Variants in LIMK2 observed in about 807,000 individuals in gnomAD.
LIMK2 encodes the protein LIM domain kinase 2.
A neutral mutation model predicts 75.7 loss-of-function variants in LIMK2; 35 were observed. That is an observed-to-expected ratio of 0.46 (90% CI 0.35 to 0.61). The LOEUF (loss-of-function observed/expected upper bound fraction) is 0.61, where lower values mean the gene tolerates loss of function less well. LIMK2 is among the 20% of genes least tolerant of loss of function. The probability of loss-of-function intolerance (pLI) is 0.00; values close to 1 mark genes in which losing one functional copy is unlikely to be tolerated. For missense variants in LIMK2, 623 were observed against 831.0 expected (o/e 0.75, Z 3.08); for synonymous variants, 301 against 319.2 (o/e 0.94, Z 0.61).
rs115564951 is a variant in LIMK2 at position 31,227,236 on chromosome 22, A to G, written c.116+1417A>G. On this transcript the variant is annotated intron_variant, in intron 2 of 15. Coordinates refer to ENST00000331728, the MANE Select transcript of LIMK2 (RefSeq NM_005569.4). ...GCTGGATGGGCATGCCTGGCCCCCA[A>G]GGTCTGAAGTGGTAGGGCTGTGCCT... is the stretch of plus-strand genomic sequence containing the variant. Among the ~76,000 whole-genome samples the G allele has an allele frequency of 7.6e-3, 1,162 of 152,340 alleles. 16 individuals are homozygous for G. Among genetic ancestry groups the G allele is most frequent in the African/African-American group, 0.027 (1,108 of 41,570 alleles).
chr22:31,270,011 A>G (rs2123858275), intron 11 of LIMK2, among the ~76,000 whole-genome samples: 1 of 151,626 alleles, frequency 6.6e-6, no homozygotes, highest in Non-Finnish European at 1.5e-5. Context: ...GGTGTCACTT[A>G]CCAGACATTT....
At chr22:31,214,064 G>A (rs892442398) in intron 1 of LIMK2, among the ~76,000 whole-genome samples, 11 of 151,990 alleles carry the variant, frequency 7.2e-5, no homozygotes, top group Admixed American at 2.6e-4. Flanking sequence ...TGATCCGCCC[G>A]CTTCGGCCTC....
intron 11 of LIMK2, among the ~76,000 whole-genome samples, chr22:31,270,137 C>T (rs1328724456): frequency 6.6e-6 from 1 of 152,140 alleles, no homozygotes; most frequent in East Asian, 1.9e-4. Context: ...GAAACTGGCT[C>T]CATGAGACTG....
chr22:31,270,495 T>TGG (rs993422379), intron 11 of LIMK2, among the ~76,000 whole-genome samples: 6 of 151,834 alleles, frequency 4.0e-5, no homozygotes, highest in Admixed American at 2.6e-4. Flanking sequence ...GAGCAAGGAG[T>TGG]GGCTCCTTCT....
chr22:31,279,746 G>GCAA lies in LIMK2; in HGVS notation c.*1305_*1306insCAA, dbSNP rs2049067730. On this transcript the variant is annotated 3_prime_UTR_variant, in exon 16 of 16. Coordinates refer to ENST00000331728, the MANE Select transcript of LIMK2 (RefSeq NM_005569.4). ...GTTTGGGGTATTAATGCAATGTGTG[G>GCAA]TGGTTGTATTGGAGCAGGGGGAATT... 2.0e-5 allele frequency: 3 copies of GCAA among 152,258 alleles called. No individual in the cohort carries two copies. Among genetic ancestry groups the GCAA allele is most frequent in the Non-Finnish European group, 4.4e-5 (3 of 68,062 alleles). The allele number at this position is 152,258 out of a possible 1,614,324, so 9.4% of individuals were successfully genotyped here.
At chr22:31,226,644 C>G (rs1450706989) in intron 2 of LIMK2, among the ~76,000 whole-genome samples, 1 of 142,538 alleles carries the variant, frequency 7.0e-6, no homozygotes, top group African/African-American at 2.5e-5. Context: ...GAGTCTCGCT[C>G]TGTCGCCCAG....
chr22:31,217,965 G>A (rs975778194), intron 1 of LIMK2, among the ~76,000 whole-genome samples: 4 of 152,116 alleles, frequency 2.6e-5, no homozygotes, highest in African/African-American at 9.7e-5. Context: ...CCTTGTACAT[G>A]GGCACATAGA....
At chr22:31,259,089 C>A in intron 3 of LIMK2, 32 bp from the exon 4 acceptor site, 2 of 1,326,644 alleles carry the variant, frequency 1.5e-6, no homozygotes, top group Non-Finnish European at 2.2e-6. Context: ...TCCTTCCTCC[C>A]TTTGTACACC....
chr22:31,264,150 T>C (rs2048868320), intron 7 of LIMK2, among the ~76,000 whole-genome samples: 1 of 151,884 alleles, frequency 6.6e-6, no homozygotes, highest in South Asian at 2.1e-4. Context: ...ATGAAATTAG[T>C]GGGAGGCAGG....
intron 1 of LIMK2, 52 bp downstream of exon 1, chr22:31,212,476 C>T: frequency 7.6e-7 from 1 of 1,313,438 alleles, no homozygotes. Context: ...AAGTCCGGTT[C>T]CATGGCGCCT....
chr22:31,232,116 G>T (rs568899592), intron 2 of LIMK2, among the ~76,000 whole-genome samples: 2 of 151,884 alleles, frequency 1.3e-5, no homozygotes, highest in African/African-American at 4.8e-5. Flanking sequence ...TGCCTGGCCA[G>T]TGCAACCCCC....
intron 1 of LIMK2, among the ~76,000 whole-genome samples, chr22:31,222,166 G>A (rs1333532254): frequency 6.6e-6 from 1 of 151,850 alleles, no homozygotes; most frequent in East Asian, 1.9e-4. Flanking sequence ...TGCCTCCCGG[G>A]TTCAAGCCAT....
chr22:31,266,480 G>A (rs536062528), intron 8 of LIMK2, among the ~76,000 whole-genome samples: 51 of 152,284 alleles, frequency 3.3e-4, no homozygotes, highest in African/African-American at 1.1e-3. Context: ...CTGGTGAACA[G>A]TCTCAGGGAC....
At chr22:31,225,868 A>G (rs1266636020) in intron 2 of LIMK2, 49 bp downstream of exon 2, 4 of 1,313,280 alleles carry the variant, frequency 3.0e-6, no homozygotes, top group Middle Eastern at 1.8e-4. Flanking sequence ...TGGGCCAAGC[A>G]CTATTTCATG....
chr22:31,228,050 GAGAT>G (rs1315352885), intron 2 of LIMK2, among the ~76,000 whole-genome samples: 1 of 142,060 alleles, frequency 7.0e-6, no homozygotes, highest in Non-Finnish European at 1.6e-5. Context: ...GTGTGTGTGT[GAGAT>G]AGAGACAGAA....
chr22:31,254,248 G>A (rs189673688), intron 2 of LIMK2, among the ~76,000 whole-genome samples: 437 of 152,350 alleles, frequency 2.9e-3, no homozygotes, highest in African/African-American at 0.01. Flanking sequence ...GGAAAGGAGG[G>A]TGTGTTCTGG....
chr22:31,216,839 T>C (rs1484454329), intron 1 of LIMK2, among the ~76,000 whole-genome samples: 1 of 152,168 alleles, frequency 6.6e-6, no homozygotes, highest in Non-Finnish European at 1.5e-5. Context: ...GGGCCCACCA[T>C]CACACACATC....
intron 2 of LIMK2, among the ~76,000 whole-genome samples, chr22:31,234,802 A>C (rs2048559015): frequency 6.6e-6 from 1 of 151,418 alleles, no homozygotes. Context: ...ACATCTCCAC[A>C]ACCTCCTGCT....
At chr22:31,258,568 G>A in intron 3 of LIMK2, 142 bp downstream of exon 3, 7 of 803,500 alleles carry the variant, frequency 8.7e-6, no homozygotes, top group Middle Eastern at 4.7e-4. Context: ...TCAACTAGCA[G>A]GTATCAATTG....
Sources: allele counts gnomAD v4.1 joint callset (sites outside exome capture counted in the v4.1 genomes callset), GRCh38; gene constraint gnomAD v4.1.1; transcripts MANE v1.5; gene names NCBI Gene and HGNC (gene_info 2026-07-23, HGNC 2026-07-21).